Variants in IRAG2 observed in about 807,000 individuals in gnomAD.
The protein encoded by IRAG2 is inositol 1,4,5-triphosphate receptor associated 2.
Under a neutral mutation model 69.9 loss-of-function variants are expected in IRAG2, and 45 were observed. The ratio of observed to expected loss-of-function variants is 0.64; its 90% CI spans 0.51 to 0.83. The LOEUF (loss-of-function observed/expected upper bound fraction) is 0.83. Ranked by LOEUF, IRAG2 falls within the 40% of genes least tolerant of loss-of-function variation. The probability of loss-of-function intolerance (pLI) is 0.00; values close to 1 mark genes in which losing one functional copy is unlikely to be tolerated. For missense variants in IRAG2, 520 were observed against 587.0 expected (o/e 0.89, Z 1.18); for synonymous variants, 193 against 202.4 (o/e 0.95, Z 0.40).
chr12:25,007,969 G>C (rs1273086635), intron 2 of IRAG2, among the ~76,000 whole-genome samples: 1 of 151,862 alleles, frequency 6.6e-6, no homozygotes, highest in Non-Finnish European at 1.5e-5. Flanking sequence ...TATTTTATGG[G>C]GGCAAGAATT....
At chr12:25,106,841 T>G in intron 20 of IRAG2, 102 bp from the exon 21 acceptor site, 1 of 428,000 alleles carries the variant, frequency 2.3e-6, no homozygotes, top group East Asian at 3.8e-5. Flanking sequence ...AGAACAAATA[T>G]TTGTGAGCCT....
chr12:25,069,486 T>TAC, intron 6 of IRAG2, 55 bp downstream of exon 6: 1 of 1,436,892 alleles, frequency 7.0e-7, no homozygotes, highest in Non-Finnish European at 9.8e-7. Context: ...ATCCTGTTCT[T>TAC]CTTCTATGGG....
chr12:25,042,762 G>GC (rs1231571681), intron 16 of IRAG2, among the ~76,000 whole-genome samples: 1 of 151,816 alleles, frequency 6.6e-6, no homozygotes, highest in Non-Finnish European at 1.5e-5. Context: ...ACCGCGCCTG[G>GC]CCCCCATCTA....
At chr12:25,055,132 G>A (rs1945150097) in intron 1 of IRAG2, among the ~76,000 whole-genome samples, 1 of 152,254 alleles carries the variant, frequency 6.6e-6, no homozygotes. Context: ...ATTGTGTGGG[G>A]ATGCAGCTGG....
At position 25,045,412 on chromosome 12, in the gene IRAG2, G is replaced by C. The variant is rs144441173; in HGVS notation, c.2145-6823G>C. ...GAAATAATAAAAATTAGAGCAAAAA[G>C]TTGTTTAAAATAGAAAAGCAATTAA... On this transcript the variant is annotated intron_variant, in intron 16 of 38. Coordinates refer to the IRAG2 transcript ENST00000636465. Among the ~76,000 whole-genome samples, 8 of 152,044 alleles carry C rather than the reference G, an allele frequency of 5.3e-5. No homozygotes were observed. In the East Asian group the frequency reaches 1.5e-3, roughly 29 times the overall value.
At position 25,038,108 on chromosome 12, in the gene IRAG2, T is replaced by A. The variant is rs747401061; in HGVS notation, c.2115T>A (p.Tyr705Ter). 13 of 398,718 alleles carry A rather than the reference T, an allele frequency of 3.3e-5. No individual in the cohort carries two copies. The highest frequency in any genetic ancestry group is 5.3e-5 in the Non-Finnish European group (12 of 225,976). 24.7% of individuals were successfully genotyped at this position (398,718 alleles called of 1,614,324 possible). A position where few individuals can be genotyped will look rare whatever the true frequency, so the allele number is the denominator to read the frequency against. ...TTTTGAAGAGATTCAGGCAGGAATA[T>A]TTTTATTTCAGAAAAGAATTTCTTG... is the stretch of plus-strand genomic sequence containing the variant. Residue 705 changes from tyrosine (Y) to a stop codon, truncating the protein, a stop_gained, in exon 16 of 39, where the codon TAT (tyrosine) becomes TAA (stop). Transcript: ENST00000636465. LOFTEE classifies it high-confidence loss of function.
At chr12:25,085,560 C>T (rs796484274) in intron 10 of IRAG2, among the ~76,000 whole-genome samples, 10 of 152,262 alleles carry the variant, frequency 6.6e-5, no homozygotes, top group African/African-American at 2.2e-4. Context: ...CCACTAAGGT[C>T]TCGGGTTTAT....
At chr12:25,102,272 GC>G in intron 17 of IRAG2, 31 bp downstream of exon 17, 1 of 1,565,042 alleles carries the variant, frequency 6.4e-7, no homozygotes, top group South Asian at 1.1e-5. Flanking sequence ...CAAATGTCTA[GC>G]AAATACTATA....
chr12:25,010,487 A>T (rs1944465673), intron 2 of IRAG2, among the ~76,000 whole-genome samples: 1 of 151,632 alleles, frequency 6.6e-6, no homozygotes, highest in African/African-American at 2.4e-5. Flanking sequence ...AAAAAAAAAA[A>T]ACAGTTCTCT....
At chr12:25,034,067 A>G (rs928320606) in intron 13 of IRAG2, 4 of 395,636 alleles carry the variant, frequency 1.0e-5, no homozygotes, top group Non-Finnish European at 1.8e-5. Flanking sequence ...GAATGTGCTG[A>G]TAGTTCTTAG....
chr12:25,017,850 C>T (rs1944543982), intron 6 of IRAG2, among the ~76,000 whole-genome samples: 1 of 152,180 alleles, frequency 6.6e-6, no homozygotes, highest in Admixed American at 6.5e-5. Context: ...TGCTCCATTT[C>T]CTCTCTTCTT....
the IRAG2 span, among the ~76,000 whole-genome samples, chr12:24,998,757 T>C: frequency 1.3e-5 from 2 of 152,204 alleles, no homozygotes; most frequent in African/African-American, 4.8e-5. Flanking sequence ...AGATGAATCA[T>C]GAATGATTGA....
At chr12:25,014,670 G>A (rs1171311125) in intron 3 of IRAG2, among the ~76,000 whole-genome samples, 3 of 151,716 alleles carry the variant, frequency 2.0e-5, no homozygotes, top group South Asian at 2.1e-4. Flanking sequence ...AAAATTAGTC[G>A]AGGTTCTATT....
Position 25,083,482 on chromosome 12 carries a change from A to G in IRAG2, c.304A>G (p.Ile102Val), listed in dbSNP as rs767717485. 3.4e-5 allele frequency: 54 copies of G among 1,601,426 alleles called. No homozygotes were observed. In the Middle Eastern group the frequency reaches 8.3e-4, roughly 24 times the overall value. ...FQDSTSKDKT[I>V]LNLEAKEEPE... ...AGACTCTACGAGTAAGGATAAAACC[A>G]TATTAAATCTGGTAAGGAAATACGT... The change falls in exon 10 of 22, where the codon ATA (isoleucine) becomes GTA (valine). Residue 102 changes from isoleucine to valine, a missense_variant. Ile to Val is a conservative substitution (Grantham distance 29, BLOSUM62 3). Coordinates refer to ENST00000556887, the MANE Select transcript of IRAG2 (RefSeq NM_001366544.2).
intron 15 of IRAG2, among the ~76,000 whole-genome samples, chr12:25,036,872 A>C (rs1944706227): frequency 6.6e-6 from 1 of 152,120 alleles, no homozygotes; most frequent in Non-Finnish European, 1.5e-5. Context: ...TGTGAGAGAG[A>C]GTGAGTGTGC....
intron 16 of IRAG2, among the ~76,000 whole-genome samples, chr12:25,046,519 A>G (rs1944795725): frequency 1.3e-5 from 2 of 152,224 alleles, no homozygotes; most frequent in Admixed American, 1.3e-4. Context: ...TCAACATACC[A>G]TAATAAATTT....
chr12:25,077,158 C>T (rs1315859790), intron 6 of IRAG2, among the ~76,000 whole-genome samples: 5 of 82,866 alleles, frequency 6.0e-5, no homozygotes, highest in South Asian at 7.6e-4. Flanking sequence ...CGTGTGCCAC[C>T]GTGCCTTGTT....
At chr12:25,001,436 A>G (rs1944390259), upstream of IRAG2, among the ~76,000 whole-genome samples, 1 of 152,120 alleles carries the variant, frequency 6.6e-6, no homozygotes, top group Non-Finnish European at 1.5e-5. Flanking sequence ...ACAGACCAAG[A>G]CCCTGTCTCG....
intron 13 of IRAG2, chr12:25,035,352 C>T (rs1944695269): frequency 5.0e-6 from 1 of 198,916 alleles, no homozygotes; most frequent in Non-Finnish European, 1.0e-5. Flanking sequence ...TTTTTTCCCC[C>T]TGGGTATTTC....
Sources: allele counts gnomAD v4.1 joint callset (sites outside exome capture counted in the v4.1 genomes callset), GRCh38; gene constraint gnomAD v4.1.1; transcripts MANE v1.5; gene names NCBI Gene and HGNC (gene_info 2026-07-23, HGNC 2026-07-21).